IKBIP: variants seen among roughly 807,000 people sequenced by gnomAD.
IKBIP encodes IKBKB interacting protein, also known as inhibitor of nuclear factor kappa-B kinase-interacting protein.
A neutral mutation model predicts 31.0 loss-of-function variants in IKBIP; 28 were observed. The observed-to-expected ratio is 0.90, with a 90% CI of 0.67 to 1.24. The LOEUF is 1.24. IKBIP is among the 50% of genes most tolerant of loss of function. IKBIP has a pLI of 0.00. For synonymous variants in IKBIP, 164 were observed against 160.3 expected, an observed-to-expected ratio of 1.02 and a Z score of -0.17; for missense variants, 453 against 441.9, an observed-to-expected ratio of 1.03 and a Z score of -0.23.
downstream of IKBIP, among the ~76,000 whole-genome samples, chr12:98,623,314 C>A (rs1565838580): frequency 6.6e-6 from 1 of 150,860 alleles, no homozygotes; most frequent in African/African-American, 2.5e-5. Flanking sequence ...CAGGGTCTTG[C>A]TCTGTCACCC....
chr12:98,637,385 C>G (rs1013713184), intron 1 of IKBIP, among the ~76,000 whole-genome samples: 1 of 151,912 alleles, frequency 6.6e-6, no homozygotes, highest in African/African-American at 2.4e-5. Context: ...ATTCATTTAA[C>G]ATTAAAGAAG....
chr12:98,622,950 T>C (rs2097611229), downstream of IKBIP, among the ~76,000 whole-genome samples: 1 of 145,098 alleles, frequency 6.9e-6, no homozygotes. Flanking sequence ...AAGTGATTTA[T>C]TCCTGTTAAC....
At chr12:98,628,160 T>G (rs976863500) in intron 2 of IKBIP, among the ~76,000 whole-genome samples, 3 of 152,252 alleles carry the variant, frequency 2.0e-5, no homozygotes, top group African/African-American at 7.2e-5. Context: ...AGATACAAAA[T>G]ACTGCCCTTA....
exon 3 of IKBIP, chr12:98,613,987 A>G: frequency 6.2e-7 from 1 of 1,611,158 alleles, no homozygotes; most frequent in South Asian, 1.1e-5. Context: ...TGCTTGAAAG[A>G]AGATCACCTA....
chr12:98,642,126 C>T (rs904327231), intron 1 of IKBIP, among the ~76,000 whole-genome samples: 2 of 152,188 alleles, frequency 1.3e-5, no homozygotes, highest in South Asian at 4.1e-4. Flanking sequence ...TCTATTAAAG[C>T]TTATCCCAGG....
chr12:98,644,219 C>CGG (rs1177574913), intron 1 of IKBIP, among the ~76,000 whole-genome samples: 1 of 152,146 alleles, frequency 6.6e-6, no homozygotes, highest in African/African-American at 2.4e-5. Context: ...TGACGTGTAG[C>CGG]GGGAGCTTCA....
chr12:98,630,113 G>A (rs953555957), intron 2 of IKBIP, among the ~76,000 whole-genome samples: 1 of 151,998 alleles, frequency 6.6e-6, no homozygotes, highest in African/African-American at 2.4e-5. Flanking sequence ...GCCAGGTGCG[G>A]TGGCTCACAC....
At chr12:98,619,863 C>T (rs1364452487), downstream of IKBIP, among the ~76,000 whole-genome samples, 1 of 138,274 alleles carries the variant, frequency 7.2e-6, no homozygotes, top group East Asian at 2.1e-4. Flanking sequence ...CAGAACCAGA[C>T]CCTTTCTCAG....
Position 98,625,683 on chromosome 12 carries a change from TAAG to T in IKBIP, c.*244_*246del. 1 of 229,192 alleles carries T rather than the reference TAAG, an allele frequency of 4.4e-6. No individual in the cohort carries two copies. Among genetic ancestry groups the T allele is most frequent in the Non-Finnish European group, 8.3e-6 (1 of 120,138 alleles). The allele number at this position is 229,192 out of a possible 1,614,324, so 14.2% of individuals were successfully genotyped here. A position where few individuals can be genotyped will look rare whatever the true frequency, so the allele number is the denominator to read the frequency against. On this transcript the variant is annotated 3_prime_UTR_variant, in exon 3 of 3. Coordinates refer to ENST00000299157, the MANE Select transcript of IKBIP (RefSeq NM_153687.4). ...ATGCTTTAAAAAACATTAAAAATATTAAGTATCTTGTTTTAAAAGTAGAGAAAT... is the reference window on the plus strand; with the variant it reads ...ATGCTTTAAAAAACATTAAAAATATTTATCTTGTTTTAAAAGTAGAGAAAT...
chr12:98,641,778 C>T (rs961167920), intron 1 of IKBIP, among the ~76,000 whole-genome samples: 4 of 101,876 alleles, frequency 3.9e-5, no homozygotes, highest in African/African-American at 4.3e-5. Flanking sequence ...ACCTCAGCCT[C>T]CCAAGTACCT....
intron 1 of IKBIP, among the ~76,000 whole-genome samples, chr12:98,640,880 A>C (rs1270634370): frequency 6.6e-6 from 1 of 151,468 alleles, no homozygotes; most frequent in East Asian, 1.9e-4. Context: ...TCCAACCTCA[A>C]CCCCCCAAGT....
At chr12:98,613,879 G>A (rs760314864) in exon 3 of IKBIP, 70 of 1,612,998 alleles carry the variant, frequency 4.3e-5, no homozygotes, top group East Asian at 8.9e-5. Flanking sequence ...TATGTTTGTC[G>A]AAGTCACTCT....
intron 2 of IKBIP, among the ~76,000 whole-genome samples, chr12:98,618,320 T>G (rs1207286424): frequency 6.6e-6 from 1 of 152,126 alleles, no homozygotes; most frequent in Non-Finnish European, 1.5e-5. Context: ...TCTTATCAAT[T>G]ATCTTTCTTA....
chr12:98,635,353 C>T (rs1480750215), intron 1 of IKBIP, among the ~76,000 whole-genome samples: 1 of 152,134 alleles, frequency 6.6e-6, no homozygotes, highest in Non-Finnish European at 1.5e-5. Flanking sequence ...CCTCAGCCTC[C>T]CAAAGCGCTG....
intron 2 of IKBIP, among the ~76,000 whole-genome samples, chr12:98,631,364 T>C (rs536879821): frequency 2.6e-5 from 4 of 151,946 alleles, no homozygotes; most frequent in Admixed American, 6.6e-5. Context: ...CACTGTGACC[T>C]CTGCCTCCCC....
chr12:98,625,282 A>G lies in IKBIP; in HGVS notation c.*648T>C, dbSNP rs1427337383. The G allele has an allele frequency of 1.2e-5, 12 of 983,136 alleles. No individual in the cohort carries two copies. Among genetic ancestry groups the G allele is most frequent in the Non-Finnish European group, 1.4e-5 (12 of 827,918 alleles). 60.9% of individuals were successfully genotyped at this position (983,136 alleles called of 1,614,324 possible). A position where few individuals can be genotyped will look rare whatever the true frequency, so the allele number is the denominator to read the frequency against. On this transcript the variant is annotated 3_prime_UTR_variant, in exon 3 of 3. Transcript: ENST00000299157. ...TAAAAGTCTTACAAGTATCTGTAACACAGTTTAGAACCTTAACAAAAACTA... is the reference window on the plus strand; with the variant it reads ...TAAAAGTCTTACAAGTATCTGTAACGCAGTTTAGAACCTTAACAAAAACTA...
intron 1 of IKBIP, among the ~76,000 whole-genome samples, chr12:98,640,699 A>C (rs2153301071): frequency 6.6e-6 from 1 of 152,254 alleles, no homozygotes; most frequent in Non-Finnish European, 1.5e-5. Context: ...ATGCAAACTG[A>C]CACTCAAGCC....
At chr12:98,628,045 T>C (rs960729978) in intron 2 of IKBIP, among the ~76,000 whole-genome samples, 4 of 151,912 alleles carry the variant, frequency 2.6e-5, no homozygotes, top group Non-Finnish European at 4.4e-5. Context: ...TGACCTCTTT[T>C]AGTCTACACT....
In IKBIP at chr12:98,626,361, T is replaced by C. The variant is rs1349269182; in HGVS notation, c.703A>G (p.Thr235Ala). The change falls in exon 3 of 3, where the codon ACA (threonine) becomes GCA (alanine). Residue 235 changes from threonine (T) to alanine (A), a missense_variant. By Grantham distance (58) the Thr-to-Ala change is moderately conservative. Coordinates refer to ENST00000299157, the MANE Select transcript of IKBIP (RefSeq NM_153687.4). Reference sequence around the variant, plus strand: ...TCTTCTAACTTTTCAATTGCCTTTGTATCAGAGCCTAGCTGCTCCTCTACT... The same window carrying C: ...TCTTCTAACTTTTCAATTGCCTTTGCATCAGAGCCTAGCTGCTCCTCTACT... ...LRVEEQLGSD[T>A]KAIEKLEEEQ... 6.2e-7 allele frequency: 1 copy of C among 1,614,104 alleles called. No homozygotes were observed. Among genetic ancestry groups the C allele is most frequent in the Admixed American group, 1.7e-5 (1 of 60,020 alleles).
Sources: gnomAD v4.1 joint callset for allele counts (sites outside exome capture counted in the v4.1 genomes callset) on GRCh38, gnomAD v4.1.1 for gene constraint, MANE v1.5 for transcripts, NCBI Gene and HGNC (gene_info 2026-07-23, HGNC 2026-07-21) for gene names.